RFC3: variants seen among roughly 807,000 people sequenced by gnomAD.
RFC3 encodes A1 38 kDa subunit.
In RFC3, 41 loss-of-function variants were observed where a neutral mutation model predicts 45.1. The ratio of observed to expected loss-of-function variants is 0.91; its 90% confidence interval spans 0.71 to 1.18. The LOEUF (loss-of-function observed/expected upper bound fraction) is 1.18. Ranked by LOEUF, RFC3 falls within the 50% of genes most tolerant of loss-of-function variation. The pLI is 0.00. For synonymous variants in RFC3, 149 were observed against 144.0 expected (o/e 1.03, Z -0.25); for missense variants, 423 against 428.1 (o/e 0.99, Z 0.10).
intron 7 of RFC3, among the ~76,000 whole-genome samples, chr13:33,834,016 G>A (rs921776193): frequency 1.3e-5 from 2 of 152,096 alleles, no homozygotes; most frequent in African/African-American, 4.8e-5. Context: ...ATCATGCTTT[G>A]CTGTGGTCAG....
chr13:33,959,064 G>A (rs1366409317), intron 8 of RFC3, among the ~76,000 whole-genome samples: 2 of 152,160 alleles, frequency 1.3e-5, no homozygotes, highest in East Asian at 3.8e-4. Flanking sequence ...AGACATGCTT[G>A]AGAGCCTCTT....
intron 8 of RFC3, among the ~76,000 whole-genome samples, chr13:33,880,772 T>C (rs1240115662): frequency 6.6e-6 from 1 of 152,106 alleles, no homozygotes; most frequent in African/African-American, 2.4e-5. Context: ...GTGCACGCAT[T>C]ATAAGATGTT....
At chr13:33,900,193 GA>G (rs1800263771) in intron 8 of RFC3, among the ~76,000 whole-genome samples, 1 of 151,924 alleles carries the variant, frequency 6.6e-6, no homozygotes, top group African/African-American at 2.4e-5. Context: ...AAATGTATAT[GA>G]AACCACAAAA....
chr13:33,949,928 T>C (rs2082978340), intron 8 of RFC3, among the ~76,000 whole-genome samples: 1 of 152,200 alleles, frequency 6.6e-6, no homozygotes, highest in Non-Finnish European at 1.5e-5. Flanking sequence ...TATTGGCTTA[T>C]CCTGGGTCTC....
At chr13:33,926,446 T>C (rs975931329) in intron 8 of RFC3, among the ~76,000 whole-genome samples, 2 of 152,116 alleles carry the variant, frequency 1.3e-5, no homozygotes, top group Admixed American at 1.3e-4. Context: ...CACATTAAAT[T>C]TGAATATTCC....
chr13:33,896,965 C>T (rs1413104213), intron 8 of RFC3, among the ~76,000 whole-genome samples: 1 of 151,648 alleles, frequency 6.6e-6, no homozygotes, highest in Non-Finnish European at 1.5e-5. Context: ...ACTAGTAGAA[C>T]TATCTTAAAA....
chr13:33,972,078 G>A, the RFC3 span, among the ~76,000 whole-genome samples: 2 of 152,136 alleles, frequency 1.3e-5, no homozygotes, highest in Admixed American at 6.5e-5. Context: ...ATCGCACCAC[G>A]GCACTCCGGC....
At chr13:33,860,107 C>T (rs2082331523) in intron 8 of RFC3, among the ~76,000 whole-genome samples, 1 of 152,180 alleles carries the variant, frequency 6.6e-6, no homozygotes, top group Non-Finnish European at 1.5e-5. Flanking sequence ...GAGAAGCCAA[C>T]CCTGCAGTCA....
the RFC3 span, among the ~76,000 whole-genome samples, chr13:33,972,371 C>A: frequency 1.3e-5 from 2 of 152,160 alleles, no homozygotes; most frequent in Non-Finnish European, 2.9e-5. Flanking sequence ...GTGCTGAAAT[C>A]CAACTGTCTT....
At chr13:33,916,527 C>T (rs1566027196) in intron 8 of RFC3, among the ~76,000 whole-genome samples, 1 of 152,078 alleles carries the variant, frequency 6.6e-6, no homozygotes, top group Non-Finnish European at 1.5e-5. Flanking sequence ...TGGGTTTCAA[C>T]TAGATGAAAT....
chr13:33,943,027 A>G (rs1453346456), intron 8 of RFC3, among the ~76,000 whole-genome samples: 1 of 152,192 alleles, frequency 6.6e-6, no homozygotes, highest in Non-Finnish European at 1.5e-5. Context: ...CATAATTTTG[A>G]TTGTCAAGGT....
chr13:33,834,711 A>G, intron 7 of RFC3, among the ~76,000 whole-genome samples: 1 of 152,068 alleles, frequency 6.6e-6, no homozygotes, highest in East Asian at 1.9e-4. Flanking sequence ...TGGATGTTTC[A>G]GGTATCTGTC....
intron 8 of RFC3, among the ~76,000 whole-genome samples, chr13:33,845,396 G>A (rs1036638233): frequency 2.6e-5 from 4 of 151,940 alleles, no homozygotes; most frequent in African/African-American, 9.7e-5. Context: ...TTTCTTTAAG[G>A]CCAGTAACTC....
At chr13:33,818,881 G>GTTTTTTTTTTTT (rs72236854) in intron 1 of RFC3, among the ~76,000 whole-genome samples, 1 of 112,040 alleles carries the variant, frequency 8.9e-6, no homozygotes, top group Non-Finnish European at 1.9e-5. Flanking sequence ...CCTGAGATTA[G>GTTTTTTTTTTTT]TTTTTTTTTT....
At chr13:33,923,295 GCCTTT>G (rs2082781360) in intron 8 of RFC3, among the ~76,000 whole-genome samples, 1 of 152,034 alleles carries the variant, frequency 6.6e-6, no homozygotes, top group African/African-American at 2.4e-5. Context: ...ACACCCTGAA[GCCTTT>G]CCTTTACTTA....
intron 8 of RFC3, among the ~76,000 whole-genome samples, chr13:33,925,056 TACACATATATAGTGTACTATATAC>T (rs1566030476): frequency 3.5e-5 from 5 of 142,922 alleles, no homozygotes; most frequent in Admixed American, 2.7e-4. Context: ...CATATATATA[TACACATATATAGTGTACTATATAC>T]ACGCATATAT....
chr13:33,898,396 T>C (rs2082615464), intron 8 of RFC3, among the ~76,000 whole-genome samples: 1 of 151,844 alleles, frequency 6.6e-6, no homozygotes, highest in Admixed American at 6.6e-5. Context: ...AACAACATGC[T>C]CCTGAACAAC....
intron 8 of RFC3, among the ~76,000 whole-genome samples, chr13:33,886,009 T>C (rs2082519229): frequency 6.6e-6 from 1 of 150,838 alleles, no homozygotes; most frequent in African/African-American, 2.4e-5. Context: ...ATGGAGGACT[T>C]TTTCTCCCTT....
intron 8 of RFC3, among the ~76,000 whole-genome samples, chr13:33,887,900 T>G (rs549125745): frequency 5.1e-4 from 77 of 152,272 alleles, no homozygotes; most frequent in Admixed American, 2.9e-3. Context: ...TTTCCCCATT[T>G]CTTGTTTTTC....
Sources: allele counts gnomAD v4.1 joint callset (sites outside exome capture counted in the v4.1 genomes callset), GRCh38; gene constraint gnomAD v4.1.1; transcripts MANE v1.5; gene names NCBI Gene and HGNC (gene_info 2026-07-23, HGNC 2026-07-21).